The following FSTL5 variants were observed in gnomAD, a reference collection of about 807,000 sequenced individuals.
The protein encoded by FSTL5 is follistatin like 5, also known as follistatin-related protein 5.
A neutral mutation model predicts 89.1 loss-of-function variants in FSTL5; 62 were observed. The observed-to-expected ratio is 0.70, with a 90% CI of 0.57 to 0.86. The LOEUF (loss-of-function observed/expected upper bound fraction) is 0.86. Among genes scored for constraint, FSTL5 ranks in the 40% least tolerant of loss-of-function variants. FSTL5 has a pLI of 0.00. For missense variants in FSTL5, 1,057 were observed against 1,001.6 expected, an observed-to-expected ratio of 1.06 and a Z score of -0.75; for synonymous variants, 383 against 346.2, an observed-to-expected ratio of 1.11 and a Z score of -1.18.
At chr4:161,995,664 A>T in intron 3 of FSTL5, among the ~76,000 whole-genome samples, 1 of 151,086 alleles carries the variant, frequency 6.6e-6, no homozygotes, top group East Asian at 1.9e-4. Context: ...ACATTATGAT[A>T]TGGGTCACTA....
At chr4:161,409,956 C>T (rs907955701) in intron 15 of FSTL5, among the ~76,000 whole-genome samples, 5 of 152,076 alleles carry the variant, frequency 3.3e-5, no homozygotes, top group Non-Finnish European at 5.9e-5. Flanking sequence ...CATAAAAAAA[C>T]AAGACCCATC....
chr4:161,441,959 A>G (rs188843624), intron 15 of FSTL5, among the ~76,000 whole-genome samples: 2 of 152,180 alleles, frequency 1.3e-5, no homozygotes, highest in Admixed American at 6.5e-5. Context: ...AACTTGAGCT[A>G]GTTCTTGCAA....
intron 6 of FSTL5, among the ~76,000 whole-genome samples, chr4:161,729,545 T>G (rs1281443352): frequency 6.6e-6 from 1 of 152,188 alleles, no homozygotes; most frequent in East Asian, 1.9e-4. Context: ...TGTTCAGTGA[T>G]ATATGATTTT....
intron 7 of FSTL5, among the ~76,000 whole-genome samples, chr4:161,600,351 G>A (rs1377477815): frequency 6.6e-6 from 1 of 152,050 alleles, no homozygotes; most frequent in Non-Finnish European, 1.5e-5. Context: ...GGAGAAGAAG[G>A]AGAGTGTAAT....
At chr4:161,402,763 T>C (rs1463295642) in intron 15 of FSTL5, among the ~76,000 whole-genome samples, 1 of 152,162 alleles carries the variant, frequency 6.6e-6, no homozygotes, top group African/African-American at 2.4e-5. Context: ...ATTTAGCTCT[T>C]CTTTGAACCC....
chr4:162,160,645 G>T (rs1257189728), intron 1 of FSTL5, among the ~76,000 whole-genome samples: 1 of 151,826 alleles, frequency 6.6e-6, no homozygotes, highest in African/African-American at 2.4e-5. Context: ...ATTGATAAAT[G>T]AGCTTTAAAT....
chr4:161,466,481 G>C (rs1420667866), intron 13 of FSTL5, among the ~76,000 whole-genome samples: 1 of 152,140 alleles, frequency 6.6e-6, no homozygotes, highest in East Asian at 1.9e-4. Flanking sequence ...CTAATTAAGT[G>C]AACCTAATTT....
chr4:161,726,221 CTTTTTCTTTTTT>C (rs1739401859), intron 6 of FSTL5, among the ~76,000 whole-genome samples: 2 of 69,234 alleles, frequency 2.9e-5, no homozygotes, highest in Non-Finnish European at 6.4e-5. Context: ...TTTCTTTTTT[CTTTTTCTTTTTT>C]TTTTTTTTTT....
At chr4:161,458,829 G>T (rs1733457292) in intron 14 of FSTL5, among the ~76,000 whole-genome samples, 1 of 152,166 alleles carries the variant, frequency 6.6e-6, no homozygotes, top group African/African-American at 2.4e-5. Flanking sequence ...TCAGATAACA[G>T]AATATTATCT....
chr4:161,759,141 A>C (rs756401079), intron 6 of FSTL5, among the ~76,000 whole-genome samples: 30 of 152,186 alleles, frequency 2.0e-4, no homozygotes, highest in African/African-American at 7.0e-4. Context: ...ATAACCTTGA[A>C]AGCAGCATTG....
intron 13 of FSTL5, among the ~76,000 whole-genome samples, chr4:161,470,453 T>C (rs1733897294): frequency 6.6e-6 from 1 of 152,202 alleles, no homozygotes; most frequent in African/African-American, 2.4e-5. Flanking sequence ...TGTATACCTG[T>C]CTTTATGCTA....
At chr4:161,723,132 T>C (rs962886530) in intron 6 of FSTL5, among the ~76,000 whole-genome samples, 1 of 152,196 alleles carries the variant, frequency 6.6e-6, no homozygotes, top group Non-Finnish European at 1.5e-5. Context: ...GCTGAAATGC[T>C]ACTTGTAAGG....
chr4:161,849,647 T>A (rs1195485104), intron 4 of FSTL5, among the ~76,000 whole-genome samples: 1 of 152,024 alleles, frequency 6.6e-6, no homozygotes, highest in Non-Finnish European at 1.5e-5. Flanking sequence ...ATTTAATGAC[T>A]CGACATGTGA....
chr4:161,767,443 A>T (rs563977060), intron 5 of FSTL5, among the ~76,000 whole-genome samples: 1 of 152,322 alleles, frequency 6.6e-6, no homozygotes, highest in African/African-American at 2.4e-5. Context: ...TGAGACGTAC[A>T]TTGTAAAATT....
intron 4 of FSTL5, among the ~76,000 whole-genome samples, chr4:161,780,525 T>A (rs1444643624): frequency 6.6e-6 from 1 of 152,040 alleles, no homozygotes; most frequent in Non-Finnish European, 1.5e-5. Context: ...AATGAAAAAA[T>A]CCTTATTTAT....
intron 5 of FSTL5, among the ~76,000 whole-genome samples, chr4:161,762,943 G>A (rs1285516892): frequency 6.6e-6 from 1 of 152,012 alleles, no homozygotes; most frequent in East Asian, 1.9e-4. Flanking sequence ...CATGGAACAG[G>A]GAGTACATTT....
At chr4:161,946,517 AT>A (rs1310470668) in intron 3 of FSTL5, among the ~76,000 whole-genome samples, 1 of 152,086 alleles carries the variant, frequency 6.6e-6, no homozygotes, top group Non-Finnish European at 1.5e-5. Flanking sequence ...CACAATATGT[AT>A]TTTTTTGTGC....
At chr4:162,085,309 C>T (rs1269596245) in intron 2 of FSTL5, among the ~76,000 whole-genome samples, 1 of 151,674 alleles carries the variant, frequency 6.6e-6, no homozygotes, top group Non-Finnish European at 1.5e-5. Context: ...GATAATATTC[C>T]CACAGTGAAA....
chr4:162,015,725 T>G (rs1319631727), intron 3 of FSTL5, among the ~76,000 whole-genome samples: 1 of 152,194 alleles, frequency 6.6e-6, no homozygotes, highest in African/African-American at 2.4e-5. Context: ...GGTAAAGCAC[T>G]GCCTCTATGG....
Sources: allele counts gnomAD v4.1 joint callset (sites outside exome capture counted in the v4.1 genomes callset), GRCh38; gene constraint gnomAD v4.1.1; transcripts MANE v1.5; gene names NCBI Gene and HGNC (gene_info 2026-07-23, HGNC 2026-07-21).